The following MYH11 variants were observed in gnomAD, a reference collection of about 807,000 sequenced individuals.
The protein encoded by MYH11 is myosin-11.
MYH11 carries 80 observed loss-of-function variants against 246.6 expected under a neutral mutation model. That is an observed-to-expected ratio of 0.32 (90% CI 0.27 to 0.39). The LOEUF (loss-of-function observed/expected upper bound fraction) is 0.39, where lower values mean the gene tolerates loss of function less well. Among genes scored for constraint, MYH11 ranks in the 10% least tolerant of loss-of-function variants. MYH11 has a pLI of 1.00. For missense variants in MYH11, 2,158 were observed against 2,546.8 expected, an observed-to-expected ratio of 0.85 and a Z score of 3.29; for synonymous variants, 1,071 against 1,015.5, an observed-to-expected ratio of 1.05 and a Z score of -1.04.
At chr16:15,708,883 C>G (rs1316983468) in intron 40 of MYH11, 1 of 1,576,868 alleles carries the variant, frequency 6.3e-7, no homozygotes, top group African/African-American at 1.3e-5. Flanking sequence ...CATCAGCAAA[C>G]AAGAAGGAGC....
chr16:15,715,937 C>G (rs1272866716), intron 38 of MYH11, among the ~76,000 whole-genome samples: 2 of 152,012 alleles, frequency 1.3e-5, no homozygotes, highest in Admixed American at 1.3e-4. Context: ...ACCAGCCTGG[C>G]CAACATGGTG....
chr16:15,757,415 G>GGGAGGATCACTTGAGGCA (rs1420245554), intron 13 of MYH11, among the ~76,000 whole-genome samples: 1 of 149,846 alleles, frequency 6.7e-6, no homozygotes, highest in Non-Finnish European at 1.5e-5. Context: ...AGGCTGAGGC[G>GGGAGGATCACTTGAGGCA]GGAGGATCAC....
At chr16:15,778,692 AG>A (rs771756805) in intron 7 of MYH11, 87 bp downstream of exon 7, 154 of 1,246,166 alleles carry the variant, frequency 1.2e-4, no homozygotes, top group South Asian at 4.5e-4. Flanking sequence ...GGAAAGATAG[AG>A]GTGGCTCTTG....
At position 15,717,284 on chromosome 16, in the gene MYH11, C is replaced by T. The variant is rs759000207; in HGVS notation, c.5360G>A (p.Arg1787Gln). ...CTTGTTCTGCCGCTCGAGCTGCTGCCGGGCACTCTCATTCTTCTGGGCCGT... is the reference window on the plus strand; with the variant it reads ...CTTGTTCTGCCGCTCGAGCTGCTGCTGGGCACTCTCATTCTTCTGGGCCGT... The part of the protein sequence containing the change: ...RSTAQKNESA[R>Q]QQLERQNKEL... The change falls in exon 38 of 41, where the codon CGG (arginine) becomes CAG (glutamine). Residue 1787 changes from arginine to glutamine, a missense_variant. Transcript: ENST00000300036. 1.1e-5 allele frequency: 17 copies of T among 1,613,472 alleles called. No homozygotes were observed. Among genetic ancestry groups the T allele is most frequent in the Non-Finnish European group, 1.4e-5 (16 of 1,180,046 alleles).
At chr16:15,806,279 C>CAAAAAAAA (rs71134463) in intron 3 of MYH11, among the ~76,000 whole-genome samples, 3 of 61,124 alleles carry the variant, frequency 4.9e-5, no homozygotes, top group Non-Finnish European at 6.6e-5. Context: ...CACTCTGTCT[C>CAAAAAAAA]AAAAAAAAAA....
At chr16:15,740,855 A>C (rs959707080) in intron 22 of MYH11, among the ~76,000 whole-genome samples, 1 of 152,200 alleles carries the variant, frequency 6.6e-6, no homozygotes, top group African/African-American at 2.4e-5. Flanking sequence ...TTAGGCTATA[A>C]AAGGCATTGC....
chr16:15,834,802 G>T (rs996407781), intron 2 of MYH11, among the ~76,000 whole-genome samples: 5 of 152,058 alleles, frequency 3.3e-5, no homozygotes, highest in African/African-American at 1.2e-4. Flanking sequence ...AGGCACAGTG[G>T]CTCACACCCG....
chr16:15,770,811 G>T (rs1313654043), intron 9 of MYH11, among the ~76,000 whole-genome samples: 1 of 152,094 alleles, frequency 6.6e-6, no homozygotes, highest in Non-Finnish European at 1.5e-5. Context: ...CTTAAGCCGG[G>T]AATCTACTCT....
intron 8 of MYH11, 82 bp downstream of exon 8, chr16:15,775,996 T>G (rs768344560): frequency 3.6e-4 from 374 of 1,042,660 alleles, no homozygotes; most frequent in Non-Finnish European, 4.7e-4. Flanking sequence ...GAGACTGTTT[T>G]AATAGCCAAT....
In MYH11 at chr16:15,735,524, C is replaced by T; in HGVS notation, c.3348G>A (p.Leu1116=). Residue 1116 remains leucine (L), a synonymous_variant, in exon 26 of 41, where the codon CTG becomes CTA. Transcript: ENST00000300036. Reference sequence around the variant, plus strand: ...CCTGGAGGTCTGAGATGTGGCCCTCCAGCTCCCGGATCTTCTTCAGGGCAT... The same window carrying T: ...CCTGGAGGTCTGAGATGTGGCCCTCTAGCTCCCGGATCTTCTTCAGGGCAT... ...KNNALKKIRE[L]EGHISDLQED... 6.2e-7 allele frequency: 1 copy of T among 1,614,190 alleles called. No individual in the cohort carries two copies. The highest frequency in any genetic ancestry group is 8.5e-7 in the Non-Finnish European group (1 of 1,180,038).
chr16:15,779,841 T>C (rs1034706345), intron 6 of MYH11, among the ~76,000 whole-genome samples: 1 of 152,248 alleles, frequency 6.6e-6, no homozygotes, highest in Non-Finnish European at 1.5e-5. Context: ...CCTTTTCCTG[T>C]TTCCTCAACA....
At chr16:15,853,295 G>A (rs1256732516) in intron 1 of MYH11, among the ~76,000 whole-genome samples, 1 of 152,086 alleles carries the variant, frequency 6.6e-6, no homozygotes, top group Non-Finnish European at 1.5e-5. Flanking sequence ...GACTACAGAT[G>A]CATGCCACCA....
intron 2 of MYH11, among the ~76,000 whole-genome samples, chr16:15,827,506 A>T (rs2043603782): frequency 2.6e-5 from 4 of 152,146 alleles, no homozygotes. Context: ...GCCCAGGAGC[A>T]ACATCCAGCC....
intron 3 of MYH11, among the ~76,000 whole-genome samples, chr16:15,801,783 G>A (rs933632028): frequency 2.0e-5 from 3 of 151,834 alleles, no homozygotes; most frequent in African/African-American, 2.4e-5. Context: ...ATGGTGAAAC[G>A]CTGTCTCTAC....
intron 6 of MYH11, among the ~76,000 whole-genome samples, chr16:15,781,335 C>T (rs2042348408): frequency 1.3e-5 from 2 of 152,036 alleles, no homozygotes; most frequent in South Asian, 4.1e-4. Context: ...TAATTTCGGG[C>T]GAGGAAAGGA....
chr16:15,726,425 C>A, intron 28 of MYH11: 2 of 196,772 alleles, frequency 1.0e-5, no homozygotes, highest in Non-Finnish European at 1.0e-5. Context: ...GGCTGGAGTA[C>A]AATGGTGCGG....
intron 3 of MYH11, among the ~76,000 whole-genome samples, chr16:15,803,650 T>C (rs1304729483): frequency 6.6e-6 from 1 of 152,192 alleles, no homozygotes; most frequent in South Asian, 2.1e-4. Context: ...CAACCTCCAC[T>C]ATCTTAAGGA....
intron 20 of MYH11, among the ~76,000 whole-genome samples, chr16:15,743,574 G>A (rs1017617459): frequency 6.6e-6 from 1 of 152,154 alleles, no homozygotes; most frequent in Admixed American, 6.5e-5. Flanking sequence ...CTAACTCTTT[G>A]TTTTCAAGCC....
chr16:15,833,877 G>A (rs1441665717), intron 2 of MYH11, among the ~76,000 whole-genome samples: 5 of 151,986 alleles, frequency 3.3e-5, no homozygotes, highest in Non-Finnish European at 5.9e-5. Flanking sequence ...TATCTTCTCC[G>A]TCATGGACGA....
Sources: gnomAD v4.1 joint callset for allele counts (sites outside exome capture counted in the v4.1 genomes callset) on GRCh38, gnomAD v4.1.1 for gene constraint, MANE v1.5 for transcripts, NCBI Gene and HGNC (gene_info 2026-07-23, HGNC 2026-07-21) for gene names.